PKHD1L1: variants seen among roughly 807,000 people sequenced by gnomAD.
The protein encoded by PKHD1L1 is fibrocystin-L.
Under a neutral mutation model 462.9 loss-of-function variants are expected in PKHD1L1, and 434 were observed. The observed-to-expected ratio is 0.94, with a 90% CI of 0.87 to 1.02. The LOEUF (loss-of-function observed/expected upper bound fraction) is 1.02, where lower values mean the gene tolerates loss of function less well. Among genes scored for constraint, PKHD1L1 ranks in the 50% least tolerant of loss-of-function variants. PKHD1L1 has a pLI of 0.00. For synonymous variants in PKHD1L1, 1,781 were observed against 1,750.0 expected (o/e 1.02, Z -0.44); for missense variants, 5,202 against 5,096.1 (o/e 1.02, Z -0.63).
chr8:109,479,200 G>A (rs978046874), intron 53 of PKHD1L1, among the ~76,000 whole-genome samples: 2 of 152,086 alleles, frequency 1.3e-5, no homozygotes, highest in African/African-American at 2.4e-5. Flanking sequence ...AAGACCGTCT[G>A]TCCTCCCATA....
intron 28 of PKHD1L1, 93 bp from the exon 29 acceptor site, chr8:109,435,097 A>C: frequency 7.5e-7 from 1 of 1,326,870 alleles, no homozygotes; most frequent in South Asian, 1.4e-5. Flanking sequence ...AGATCTAAAA[A>C]TGAAGGCCAA....
chr8:109,526,990 G>T lies in PKHD1L1; in HGVS notation c.12691G>T (p.Ala4231Ser). The T allele has an allele frequency of 6.2e-7, 1 of 1,613,026 alleles. No individual in the cohort carries two copies. Among genetic ancestry groups the T allele is most frequent in the Non-Finnish European group, 8.5e-7 (1 of 1,179,242 alleles). ...AATGTGGCTCTTGGAAATATTTATG[G>T]CTGCAGTTTCAACTTTGAATATAAC... The part of the protein sequence containing the change: ...GRMWLLEIFM[A>S]AVSTLNITLR... The change falls in exon 77 of 78, where the codon GCT (alanine) becomes TCT (serine). Residue 4231 changes from alanine (A) to serine (S), a missense_variant. Coordinates refer to ENST00000378402, the MANE Select transcript of PKHD1L1 (RefSeq NM_177531.6).
chr8:109,510,311 CA>C (rs989324117), intron 70 of PKHD1L1, among the ~76,000 whole-genome samples: 86 of 152,220 alleles, frequency 5.6e-4, no homozygotes, highest in African/African-American at 2.0e-3. Flanking sequence ...CTATTGTTAA[CA>C]AATTAACTCT....
Position 109,490,964 on chromosome 8 carries a change from T to A in PKHD1L1, c.9985-8T>A. 1.3e-6 allele frequency: 2 copies of A among 1,597,672 alleles called. No homozygotes were observed. Among genetic ancestry groups the A allele is most frequent in the Non-Finnish European group, 1.7e-6 (2 of 1,169,712 alleles). Reference sequence around the variant, plus strand: ...TAAAAATGTTCTCTGTATCCCAATGTTGTATAGATTCAAGAACATGGCTCA... The same window carrying A: ...TAAAAATGTTCTCTGTATCCCAATGATGTATAGATTCAAGAACATGGCTCA... On this transcript the variant is annotated splice_region_variant and splice_polypyrimidine_tract_variant and intron_variant, in intron 60 of 77. Coordinates refer to ENST00000378402, the MANE Select transcript of PKHD1L1 (RefSeq NM_177531.6).
At chr8:109,429,885 C>T (rs747515163) in intron 26 of PKHD1L1, 47 bp from the exon 27 acceptor site, 10 of 1,240,824 alleles carry the variant, frequency 8.1e-6, no homozygotes, top group Non-Finnish European at 1.2e-5. Flanking sequence ...TATTCTACTG[C>T]TGCCTCTTTG....
At chr8:109,404,277 T>C (rs1055958505) in intron 14 of PKHD1L1, among the ~76,000 whole-genome samples, 2 of 152,156 alleles carry the variant, frequency 1.3e-5, no homozygotes, top group Non-Finnish European at 2.9e-5. Context: ...GTATAAGAAA[T>C]AGTATTGTCT....
In PKHD1L1 at chr8:109,452,799, C is replaced by CTTG; in HGVS notation, c.6595_6597dup (p.Val2199dup). On this transcript the variant is annotated inframe_insertion, in exon 43 of 78. Coordinates refer to ENST00000378402, the MANE Select transcript of PKHD1L1 (RefSeq NM_177531.6). Reference sequence around the variant, plus strand: ...AAAATCTCCCCCAGAAGAAGGATCTCTTGTTGTTATTACAAAAGGACAGAC... The same window carrying CTTG: ...AAAATCTCCCCCAGAAGAAGGATCTCTTGTTGTTGTTATTACAAAAGGACAGAC... 6.5e-7 allele frequency: 1 copy of CTTG among 1,535,656 alleles called. No homozygotes were observed. Among genetic ancestry groups the CTTG allele is most frequent in the East Asian group, 2.5e-5 (1 of 40,816 alleles).
At chr8:109,494,596 A>G (rs192729914) in intron 63 of PKHD1L1, among the ~76,000 whole-genome samples, 1 of 152,128 alleles carries the variant, frequency 6.6e-6, no homozygotes, top group Admixed American at 6.6e-5. Flanking sequence ...AGAAATCTCT[A>G]GAATATTCTT....
Position 109,406,413 on chromosome 8 carries a change from T to C in PKHD1L1, c.1748T>C (p.Val583Ala). Residue 583 changes from valine to alanine, a missense_variant, in exon 17 of 78, where the codon GTT (valine) becomes GCT (alanine). Transcript: ENST00000378402. ...CTCTGGTCTATAAAACCGGACACAGTTCAAGTAATAAGAACACAAAATCCC... is the reference window on the plus strand; with the variant it reads ...CTCTGGTCTATAAAACCGGACACAGCTCAAGTAATAAGAACACAAAATCCC... ...NDLWSIKPDTVQVIRTQNPQS... is the reference protein window; with the variant it reads ...NDLWSIKPDTAQVIRTQNPQS... 6.3e-7 allele frequency: 1 copy of C among 1,591,200 alleles called. No homozygotes were observed. The highest frequency in any genetic ancestry group is 8.6e-7 in the Non-Finnish European group (1 of 1,167,952).
At chr8:109,497,880 GT>G (rs1453961664) in intron 65 of PKHD1L1, among the ~76,000 whole-genome samples, 14 of 151,938 alleles carry the variant, frequency 9.2e-5, no homozygotes, top group African/African-American at 2.9e-4. Flanking sequence ...TGTGCCTACT[GT>G]TCCCTGGATG....
chr8:109,497,525 C>T (rs114820709), intron 65 of PKHD1L1, among the ~76,000 whole-genome samples: 3 of 151,242 alleles, frequency 2.0e-5, no homozygotes, highest in Non-Finnish European at 2.9e-5. Flanking sequence ...CTCTGCCTCC[C>T]GGGTTCACAT....
chr8:109,526,813 G>A lies in PKHD1L1; in HGVS notation c.12514G>A (p.Asp4172Asn), dbSNP rs753071931. ...GKNYKIEFILDNVVGVESRTF... is the reference protein window; with the variant it reads ...GKNYKIEFILNNVVGVESRTF... ...AAATTATAAGATTGAATTTATACTG[G>A]ATAATGTTGTTGGGGTAGAATCCAG... is the stretch of plus-strand genomic sequence containing the variant. The change falls in exon 77 of 78, where the codon GAT becomes AAT. Residue 4172 changes from aspartate (D) to asparagine (N), a missense_variant. Physicochemically the swap from Asp to Asn is conservative, Grantham distance 23. Coordinates refer to ENST00000378402, the MANE Select transcript of PKHD1L1 (RefSeq NM_177531.6). 3.5e-5 allele frequency: 55 copies of A among 1,559,182 alleles called. 1 individual carries two copies. In the South Asian group the frequency reaches 6.2e-4, roughly 18 times the overall value.
chr8:109,379,023 C>A (rs1255614689), intron 2 of PKHD1L1, among the ~76,000 whole-genome samples: 1 of 152,100 alleles, frequency 6.6e-6, no homozygotes, highest in Non-Finnish European at 1.5e-5. Flanking sequence ...GCGCATTGGG[C>A]CCATGAAGAA....
rs765159298 is a variant in PKHD1L1, at chr8:109,464,649, T to C, written c.7817T>C (p.Val2606Ala). 1.2e-6 allele frequency: 2 copies of C among 1,612,516 alleles called. No individual in the cohort carries two copies. Among genetic ancestry groups the C allele is most frequent in the Non-Finnish European group, 1.7e-6 (2 of 1,179,764 alleles). ...GACAGAAACATTTGTCAAAAAAGAGTTCCCCTTGGCGAATTTTTTAACAAT... is the reference window on the plus strand; with the variant it reads ...GACAGAAACATTTGTCAAAAAAGAGCTCCCCTTGGCGAATTTTTTAACAAT... ...SYDRNICQKR[V>A]PLGEFFNNTV... is the part of the protein sequence containing the mutation. The change falls in exon 49 of 78, where the codon GTT (valine) becomes GCT (alanine). Residue 2606 changes from valine to alanine, a missense_variant. Transcript: ENST00000378402.
In PKHD1L1 at chr8:109,384,091, A is replaced by C; in HGVS notation, c.439A>C (p.Thr147Pro). The change falls in exon 5 of 78, where the codon ACA becomes CCA. Residue 147 changes from threonine to proline, a missense_variant. Transcript: ENST00000378402. ...ACAGGCAAAAAGTTTTAGAACCCCA[A>C]CAATAAGAAGCATCACACCTTTATC... ...TFNAKSFRTPTIRSITPLSGT... is the reference protein window; with the variant it reads ...TFNAKSFRTPPIRSITPLSGT... The C allele has an allele frequency of 6.2e-7, 1 of 1,611,124 alleles. No homozygotes were observed. Among genetic ancestry groups the C allele is most frequent in the Non-Finnish European group, 8.5e-7 (1 of 1,177,600 alleles).
Position 109,466,573 on chromosome 8 carries a change from C to A in PKHD1L1, c.8414-5C>A. The A allele has an allele frequency of 6.4e-7, 1 of 1,566,532 alleles. No homozygotes were observed. On this transcript the variant is annotated splice_region_variant and splice_polypyrimidine_tract_variant and intron_variant, in intron 49 of 77. Coordinates refer to ENST00000378402, the MANE Select transcript of PKHD1L1 (RefSeq NM_177531.6). ...AAAAACATATTTTGTTTGTTTGTTT[C>A]CCAGGGCACAAAGGACATACCGTCA...
chr8:109,445,373 C>G lies in PKHD1L1; in HGVS notation c.5504C>G (p.Ser1835Cys). ...ACTGTCAGCAGCCCCCCAGTAGCAT[C>G]TCTATCACCAACTTCTGGAAGCATT... ...NLTVSSPPVA[S>C]LSPTSGSIGG... The change falls in exon 38 of 78, where the codon TCT (serine) becomes TGT (cysteine). Residue 1835 changes from serine to cysteine, a missense_variant. By Grantham distance (112) the Ser-to-Cys change is moderately radical. Transcript: ENST00000378402. The G allele has an allele frequency of 6.2e-7, 1 of 1,613,972 alleles. No individual in the cohort carries two copies. The highest frequency in any genetic ancestry group is 8.5e-7 in the Non-Finnish European group (1 of 1,179,884).
In PKHD1L1 at chr8:109,530,080, G is replaced by A; in HGVS notation, c.12722G>A (p.Arg4241Lys). The A allele has an allele frequency of 7.4e-7, 1 of 1,355,762 alleles. No homozygotes were observed. Among genetic ancestry groups the A allele is most frequent in the South Asian group, 1.8e-5 (1 of 55,102 alleles). 84.0% of individuals were successfully genotyped at this position (1,355,762 alleles called of 1,614,324 possible). ...AAVSTLNITL[R>K]SY ...GTTTTGTATTGTTTCCATTTTTCAG[G>A]AAGCTACTAAAGTGCTGTTCCGAAG... The change falls in exon 78 of 78, where the codon AGA (arginine) becomes AAA (lysine). Residue 4241 changes from arginine to lysine, a missense_variant and splice_region_variant. By Grantham distance (26) the Arg-to-Lys change is conservative. Coordinates refer to ENST00000378402, the MANE Select transcript of PKHD1L1 (RefSeq NM_177531.6).
chr8:109,447,534 A>G (rs764866039), intron 38 of PKHD1L1, among the ~76,000 whole-genome samples: 21 of 152,204 alleles, frequency 1.4e-4, no homozygotes, highest in Admixed American at 6.5e-4. Context: ...GAAGCAAGAG[A>G]ACAGCCAGAA....
Sources: gnomAD v4.1 joint callset for allele counts (sites outside exome capture counted in the v4.1 genomes callset) on GRCh38, gnomAD v4.1.1 for gene constraint, MANE v1.5 for transcripts, NCBI Gene and HGNC (gene_info 2026-07-23, HGNC 2026-07-21) for gene names.